Variants in ARID1B observed in about 807,000 individuals in gnomAD.
ARID1B encodes AT-rich interaction domain 1B.
A neutral mutation model predicts 212.3 loss-of-function variants in ARID1B; 30 were observed. The observed-to-expected ratio is 0.14, with a 90% CI of 0.11 to 0.19. ARID1B has a LOEUF of 0.19. ARID1B is among the 10% of genes least tolerant of loss of function. The probability of loss-of-function intolerance (pLI) is 1.00; values close to 1 mark genes in which losing one functional copy is unlikely to be tolerated. For missense variants in ARID1B, 2,891 were observed against 3,204.0 expected (o/e 0.90, Z 2.36); for synonymous variants, 1,402 against 1,301.7 (o/e 1.08, Z -1.66).
chr6:156,974,081 A>G (rs908755471), intron 4 of ARID1B, among the ~76,000 whole-genome samples: 6 of 152,252 alleles, frequency 3.9e-5, no homozygotes, highest in African/African-American at 1.4e-4. Flanking sequence ...GAGAGAGACT[A>G]GGGAAGAAAT....
intron 19 of ARID1B, 28 bp downstream of exon 19, chr6:157,204,024 C>G (rs1314185373): frequency 6.2e-7 from 1 of 1,613,088 alleles, no homozygotes; most frequent in East Asian, 2.2e-5. Context: ...AACTAACAAC[C>G]AAATTAGGAT....
intron 8 of ARID1B, among the ~76,000 whole-genome samples, chr6:157,154,580 G>GTTTTTTTTTTTTTTT (rs1274752634): frequency 1.3e-4 from 14 of 111,578 alleles, no homozygotes; most frequent in African/African-American, 3.6e-4. Flanking sequence ...TTTTTTTTTT[G>GTTTTTTTTTTTTTTT]TTTTTTTTTT....
chr6:157,174,392 A>AAGT (rs1791941572), intron 10 of ARID1B: 1 of 320,814 alleles, frequency 3.1e-6, no homozygotes, highest in African/African-American at 2.1e-5. Context: ...GGGTGGGGAG[A>AAGT]AGTAGGGGTC....
intron 9 of ARID1B, among the ~76,000 whole-genome samples, chr6:157,171,887 A>G (rs1302352878): frequency 2.0e-5 from 3 of 152,266 alleles, no homozygotes; most frequent in Non-Finnish European, 4.4e-5. Context: ...ACGCTAGCAC[A>G]TTTAATGCGT....
At chr6:157,124,459 G>A (rs1355495509) in intron 6 of ARID1B, among the ~76,000 whole-genome samples, 1 of 152,192 alleles carries the variant, frequency 6.6e-6, no homozygotes, top group African/African-American at 2.4e-5. Context: ...TGCTTTCCTG[G>A]AAGGGCAAGG....
intron 4 of ARID1B, among the ~76,000 whole-genome samples, chr6:156,990,031 A>G (rs1238559022): frequency 1.3e-5 from 2 of 152,234 alleles, no homozygotes; most frequent in Non-Finnish European, 2.9e-5. Flanking sequence ...AATTCAGTGA[A>G]TACTTAGGAG....
Position 157,200,515 on chromosome 6 carries a change from C to CA in ARID1B, c.4480-189dup, listed in dbSNP as rs1794020310. Among the ~76,000 whole-genome samples the CA allele has an allele frequency of 6.6e-6, 1 of 152,094 alleles. No individual in the cohort carries two copies. The highest frequency in any genetic ancestry group is 2.4e-5 in the African/African-American group (1 of 41,402). On this transcript the variant is annotated intron_variant, in intron 17 of 19. Coordinates refer to ENST00000636930, the MANE Select transcript of ARID1B (RefSeq NM_001374828.1). This position sits in a 1 kb window ranked among gnomAD's most constrained non-coding sequence, Gnocchi z 4.3. Reference sequence around the variant, plus strand: ...AAACAAACTTTGGATGCTCTCTCCTCAGTGTGTGACATGGTGTATATAATA... The same window carrying CA: ...AAACAAACTTTGGATGCTCTCTCCTCAAGTGTGTGACATGGTGTATATAATA...
chr6:157,170,912 G>A (rs563958002), intron 9 of ARID1B, among the ~76,000 whole-genome samples: 3 of 152,272 alleles, frequency 2.0e-5, no homozygotes, highest in Admixed American at 6.5e-5. Context: ...GAACATCCGC[G>A]GATGTACATA....
intron 1 of ARID1B, among the ~76,000 whole-genome samples, chr6:156,789,391 A>G (rs905774328): frequency 3.9e-5 from 6 of 152,232 alleles, no homozygotes; most frequent in African/African-American, 1.4e-4. Context: ...CATCACAGCA[A>G]TAATGTGGGC....
intron 3 of ARID1B, among the ~76,000 whole-genome samples, chr6:156,905,338 T>C (rs1789290713): frequency 2.0e-5 from 3 of 151,782 alleles, no homozygotes; most frequent in Admixed American, 6.6e-5. Flanking sequence ...TTCCGAAACC[T>C]GCAGTATGGG....
chr6:157,018,647 G>T (rs77280531), intron 4 of ARID1B, among the ~76,000 whole-genome samples: 5 of 152,250 alleles, frequency 3.3e-5, no homozygotes, highest in Admixed American at 3.3e-4. Context: ...GATTTCTGGC[G>T]TATGAGAATT....
At chr6:157,191,490 G>A (rs1050807454) in intron 15 of ARID1B, among the ~76,000 whole-genome samples, 8 of 152,098 alleles carry the variant, frequency 5.3e-5, no homozygotes, top group Non-Finnish European at 1.0e-4. Context: ...GTGTAGAAAT[G>A]GCATCTGCAG....
At chr6:156,853,800 G>C (rs1171543362) in intron 2 of ARID1B, among the ~76,000 whole-genome samples, 1 of 152,098 alleles carries the variant, frequency 6.6e-6, no homozygotes, top group African/African-American at 2.4e-5. Context: ...ACAGTGGCAC[G>C]ACCACGGCTC....
At chr6:156,898,485 G>A (rs1788666569) in intron 2 of ARID1B, among the ~76,000 whole-genome samples, 1 of 152,042 alleles carries the variant, frequency 6.6e-6, no homozygotes, top group Non-Finnish European at 1.5e-5. Flanking sequence ...CCGCCCAGAT[G>A]CCAGAACTCA....
chr6:157,206,934 G>A lies in ARID1B; in HGVS notation c.6162G>A (p.Leu2054=). The part of the protein sequence containing the change: ...DEPRSRDETP[L]CTIAHWQDSL... ...CCAGGAGCCGAGACGAGACTCCTCT[G>A]TGTACCATCGCGCACTGGCAGGACT... Residue 2054 remains leucine, a synonymous_variant, in exon 20 of 20, where the codon CTG becomes CTA. Coordinates refer to ENST00000636930, the MANE Select transcript of ARID1B (RefSeq NM_001374828.1). This position sits in a 1 kb window ranked among gnomAD's most constrained non-coding sequence, Gnocchi z 6.8. 6.2e-7 allele frequency: 1 copy of A among 1,614,204 alleles called. No individual in the cohort carries two copies. Among genetic ancestry groups the A allele is most frequent in the Non-Finnish European group, 8.5e-7 (1 of 1,180,040 alleles).
intron 2 of ARID1B, among the ~76,000 whole-genome samples, chr6:156,860,337 TTC>T (rs925543495): frequency 1.2e-4 from 11 of 93,834 alleles, no homozygotes; most frequent in South Asian, 3.6e-4. Context: ...TTTCAGTGTC[TTC>T]TTTTTTTTTT....
chr6:156,826,886 C>G (rs1216128519), intron 1 of ARID1B, among the ~76,000 whole-genome samples: 2 of 152,172 alleles, frequency 1.3e-5, no homozygotes, highest in Non-Finnish European at 2.9e-5. Context: ...GGCCATTCTT[C>G]CAGCTTGTCT....
chr6:156,831,748 G>A (rs571503627), intron 2 of ARID1B, among the ~76,000 whole-genome samples: 3 of 152,224 alleles, frequency 2.0e-5, no homozygotes, highest in African/African-American at 7.2e-5. Context: ...AATTGATGTA[G>A]GTTGCCCATC....
chr6:156,958,318 G>A (rs550256319), intron 4 of ARID1B, among the ~76,000 whole-genome samples: 1 of 152,194 alleles, frequency 6.6e-6, no homozygotes, highest in Non-Finnish European at 1.5e-5. Flanking sequence ...CTAGGAATGA[G>A]TAATACTGAT....
Sources: allele counts gnomAD v4.1 joint callset (sites outside exome capture counted in the v4.1 genomes callset), GRCh38; gene constraint gnomAD v4.1.1; non-coding constraint Gnocchi (gnomAD v3.1); transcripts MANE v1.5; gene names NCBI Gene and HGNC (gene_info 2026-07-23, HGNC 2026-07-21).